SMYD3: variants seen among roughly 807,000 people sequenced by gnomAD.
SMYD3 encodes SET and MYND domain containing 3.
SMYD3 carries 36 observed loss-of-function variants against 57.7 expected under a neutral mutation model. That is an observed-to-expected ratio of 0.62 (90% CI 0.48 to 0.82). The LOEUF (loss-of-function observed/expected upper bound fraction) is 0.82, where lower values mean the gene tolerates loss of function less well. Among genes scored for constraint, SMYD3 ranks in the 40% least tolerant of loss-of-function variants. The pLI, the probability that SMYD3 is intolerant of heterozygous loss-of-function variation, is 0.00. For missense variants in SMYD3, 515 were observed against 538.8 expected (o/e 0.96, Z 0.44); for synonymous variants, 211 against 195.0 (o/e 1.08, Z -0.68).
chr1:246,036,984 T>C lies in SMYD3; in HGVS notation c.532-107047A>G, dbSNP rs1269488123. Among the ~76,000 whole-genome samples the C allele has an allele frequency of 3.3e-5, 5 of 152,158 alleles. No individual in the cohort carries two copies. In the East Asian group the frequency reaches 9.7e-4, roughly 29 times the overall value. Reference sequence around the variant, plus strand: ...GACACAAAGAGCTTCCTCATCGTTTTTTATGGCTTCAGAGAATTCCCTTGA... The same window carrying C: ...GACACAAAGAGCTTCCTCATCGTTTCTTATGGCTTCAGAGAATTCCCTTGA... On this transcript the variant is annotated intron_variant, in intron 5 of 11. Coordinates refer to ENST00000490107, the MANE Select transcript of SMYD3 (RefSeq NM_001167740.2).
Position 246,208,354 on chromosome 1 carries a change from A to G in SMYD3, c.531+118847T>C, listed in dbSNP as rs553790878. Among the ~76,000 whole-genome samples, 291 of 152,278 alleles carry G rather than the reference A, an allele frequency of 1.9e-3. 4 individuals are homozygous for G. Among genetic ancestry groups the G allele is most frequent in the African/African-American group, 6.7e-3 (278 of 41,522 alleles). On this transcript the variant is annotated intron_variant, in intron 5 of 11. Transcript: ENST00000490107. ...TGACTGTAAAATGTATGGAGACACT[A>G]TTAAGCTGAAAGGAATCTAGACATG...
intron 5 of SMYD3, among the ~76,000 whole-genome samples, chr1:245,960,755 C>CAA (rs1558536430): frequency 5.4e-5 from 7 of 128,942 alleles, no homozygotes; most frequent in African/African-American, 1.6e-4. Flanking sequence ...AAATAAATGG[C>CAA]ATAAATTAGC....
At chr1:246,240,510 G>C (rs2148474158) in intron 5 of SMYD3, among the ~76,000 whole-genome samples, 1 of 152,198 alleles carries the variant, frequency 6.6e-6, no homozygotes, top group East Asian at 1.9e-4. Flanking sequence ...AGTATAGTTT[G>C]AAGTCAGGTA....
At chr1:246,061,749 A>G (rs1283076931) in intron 5 of SMYD3, among the ~76,000 whole-genome samples, 1 of 152,124 alleles carries the variant, frequency 6.6e-6, no homozygotes, top group East Asian at 1.9e-4. Context: ...TTTAAAAGTT[A>G]AAGCTAACAA....
chr1:246,274,684 A>G (rs1327544694), intron 5 of SMYD3, among the ~76,000 whole-genome samples: 1 of 152,152 alleles, frequency 6.6e-6, no homozygotes, highest in Non-Finnish European at 1.5e-5. Flanking sequence ...GCCTCCTAAC[A>G]GACACAGGCC....
chr1:246,161,584 A>C (rs917301330), intron 5 of SMYD3, among the ~76,000 whole-genome samples: 6 of 152,056 alleles, frequency 3.9e-5, no homozygotes, highest in Non-Finnish European at 7.3e-5. Flanking sequence ...GTAATTATTA[A>C]TTTACTTTTC....
intron 5 of SMYD3, among the ~76,000 whole-genome samples, chr1:246,296,288 C>T (rs10802384): frequency 0.11 from 16,046 of 152,160 alleles, 1,681 homozygotes; most frequent in African/African-American, 0.26. Flanking sequence ...AATGGTAACA[C>T]TTGCCCCCAC....
At chr1:245,899,249 CTG>C (rs1478819348) in intron 8 of SMYD3, among the ~76,000 whole-genome samples, 2 of 149,150 alleles carry the variant, frequency 1.3e-5, no homozygotes, top group Non-Finnish European at 2.9e-5. Flanking sequence ...GAATTTACCT[CTG>C]TATTTTTTTT....
At chr1:246,280,467 T>C (rs1175686377) in intron 5 of SMYD3, among the ~76,000 whole-genome samples, 1 of 152,076 alleles carries the variant, frequency 6.6e-6, no homozygotes, top group East Asian at 1.9e-4. Context: ...ACTAATAATC[T>C]CCATCATCTA....
intron 1 of SMYD3, among the ~76,000 whole-genome samples, chr1:246,432,323 G>T (rs373326692): frequency 3.3e-5 from 5 of 152,136 alleles, no homozygotes; most frequent in African/African-American, 1.2e-4. Flanking sequence ...TTTAATGAAA[G>T]TATTTTAGAT....
chr1:245,914,137 A>T (rs561626371), intron 8 of SMYD3, among the ~76,000 whole-genome samples: 1 of 152,326 alleles, frequency 6.6e-6, no homozygotes, highest in African/African-American at 2.4e-5. Context: ...GGCCACTGCC[A>T]TTACTTTTAA....
chr1:246,503,124 T>C (rs1325392324), intron 1 of SMYD3, among the ~76,000 whole-genome samples: 1 of 152,134 alleles, frequency 6.6e-6, no homozygotes, highest in Non-Finnish European at 1.5e-5. Context: ...CCTAGAACTT[T>C]AGCCAGCCAA....
chr1:245,779,961 G>C (rs563127575), intron 10 of SMYD3, among the ~76,000 whole-genome samples: 1 of 152,150 alleles, frequency 6.6e-6, no homozygotes, highest in African/African-American at 2.4e-5. Flanking sequence ...AACGTGACTC[G>C]AAGCCAGTGT....
At chr1:246,247,868 C>A (rs12130852) in intron 5 of SMYD3, among the ~76,000 whole-genome samples, 3 of 151,900 alleles carry the variant, frequency 2.0e-5, no homozygotes, top group Admixed American at 6.6e-5. Context: ...AGCAAGAGAA[C>A]CTGGATAAGT....
chr1:246,071,000 A>C (rs2060432780), intron 5 of SMYD3, among the ~76,000 whole-genome samples: 1 of 152,232 alleles, frequency 6.6e-6, no homozygotes, highest in Non-Finnish European at 1.5e-5. Flanking sequence ...GCTCCAAAAC[A>C]ATGAGGCTTT....
intron 5 of SMYD3, among the ~76,000 whole-genome samples, chr1:245,997,610 G>A (rs2148135987): frequency 6.6e-6 from 1 of 152,312 alleles, no homozygotes; most frequent in South Asian, 2.1e-4. Context: ...GAGAGGCAGT[G>A]CTGTGCAGGA....
At chr1:245,827,272 CT>C (rs1333443852) in intron 10 of SMYD3, among the ~76,000 whole-genome samples, 1 of 152,174 alleles carries the variant, frequency 6.6e-6, no homozygotes, top group Non-Finnish European at 1.5e-5. Flanking sequence ...AGTCACTAAT[CT>C]TTACTGCCTT....
At chr1:246,209,451 GA>G (rs894076563) in intron 5 of SMYD3, among the ~76,000 whole-genome samples, 4 of 151,632 alleles carry the variant, frequency 2.6e-5, no homozygotes, top group South Asian at 2.1e-4. Flanking sequence ...ACAAGAGGGG[GA>G]AAAAAAGAGT....
At chr1:246,377,685 A>T (rs1239171281) in intron 1 of SMYD3, among the ~76,000 whole-genome samples, 1 of 152,200 alleles carries the variant, frequency 6.6e-6, no homozygotes, top group Admixed American at 6.5e-5. Flanking sequence ...CTGAATTATT[A>T]TCATGAAAAT....
Sources: gnomAD v4.1 joint callset for allele counts (sites outside exome capture counted in the v4.1 genomes callset) on GRCh38, gnomAD v4.1.1 for gene constraint, MANE v1.5 for transcripts, NCBI Gene and HGNC (gene_info 2026-07-23, HGNC 2026-07-21) for gene names.